SOAT2: variants seen among roughly 807,000 people sequenced by gnomAD.
The protein encoded by SOAT2 is sterol O-acyltransferase 2, also known as ACAT-2.
In SOAT2, 87 loss-of-function variants were observed where a neutral mutation model predicts 76.0. The ratio of observed to expected loss-of-function variants is 1.14; its 90% CI spans 0.96 to 1.37. The LOEUF (loss-of-function observed/expected upper bound fraction) is 1.37. Ranked by LOEUF, SOAT2 falls within the 40% of genes most tolerant of loss-of-function variation. SOAT2 has a pLI of 0.00. For synonymous variants in SOAT2, 285 were observed against 275.4 expected, an observed-to-expected ratio of 1.03 and a Z score of -0.34; for missense variants, 686 against 682.1, an observed-to-expected ratio of 1.01 and a Z score of -0.06.
At position 53,105,155 on chromosome 12, in the gene SOAT2, C is replaced by G; in HGVS notation, c.187C>G (p.Leu63Val). Reference sequence around the variant, plus strand: ...GCAAGCGCAGGGACAACTGAGGGAGCTGCTGGATCGGGCCATGCGGGAGGC... The same window carrying G: ...GCAAGCGCAGGGACAACTGAGGGAGGTGCTGGATCGGGCCATGCGGGAGGC... ...LEQAQGQLRE[L>V]LDRAMREAIQ... Residue 63 changes from leucine to valine, a missense_variant, in exon 3 of 15, where the codon CTG (leucine) becomes GTG (valine). By Grantham distance (32) the Leu-to-Val change is conservative. Transcript: ENST00000301466. The G allele has an allele frequency of 6.3e-7, 1 of 1,577,302 alleles. No homozygotes were observed. Among genetic ancestry groups the G allele is most frequent in the Non-Finnish European group, 8.6e-7 (1 of 1,161,430 alleles).
chr12:53,112,635 T>G (rs1256219387), intron 5 of SOAT2, among the ~76,000 whole-genome samples: 1 of 151,398 alleles, frequency 6.6e-6, no homozygotes, highest in Non-Finnish European at 1.5e-5. Context: ...CGTGCACACA[T>G]GCACACATAC....
chr12:53,122,170 C>T (rs375373355), intron 12 of SOAT2, among the ~76,000 whole-genome samples: 4 of 149,534 alleles, frequency 2.7e-5, no homozygotes, highest in Admixed American at 1.3e-4. Flanking sequence ...CTTTCCACTG[C>T]GCCACACTCC....
rs1304027808 is a variant in SOAT2, at chr12:53,115,551, C to A, written c.605C>A (p.Ala202Glu). 2 of 1,594,558 alleles carry A rather than the reference C, an allele frequency of 1.3e-6. No individual in the cohort carries two copies. Among genetic ancestry groups the A allele is most frequent in the East Asian group, 2.2e-5 (1 of 44,712 alleles). Residue 202 changes from alanine to glutamate, a missense_variant, in exon 6 of 15, where the codon GCG becomes GAG. Ala to Glu is a moderately radical substitution (Grantham distance 107). Coordinates refer to ENST00000301466, the MANE Select transcript of SOAT2 (RefSeq NM_003578.4). ...ACGCAGGCGACGGGCCTGGGCTGTG[C>A]GCTGCTAGCCGCCCACGCCGTGGTG... ...TWTQATGLGC[A>E]LLAAHAVVLC...
At chr12:53,105,265 G>T (rs377636076) in intron 3 of SOAT2, 22 bp downstream of exon 3, 1 of 1,595,218 alleles carries the variant, frequency 6.3e-7, no homozygotes, top group Non-Finnish European at 8.5e-7. Context: ...GAATGGCTGC[G>T]CGGGCTCCTC....
chr12:53,104,601 C>T (rs1243328570), intron 2 of SOAT2, among the ~76,000 whole-genome samples: 2 of 152,006 alleles, frequency 1.3e-5, no homozygotes, highest in African/African-American at 2.4e-5. Context: ...GTGCAAAGAT[C>T]GGATTCGAAT....
chr12:53,118,197 G>A (rs1358918313), intron 7 of SOAT2, among the ~76,000 whole-genome samples, 153 bp from the exon 8 acceptor site: 3 of 151,732 alleles, frequency 2.0e-5, no homozygotes, highest in African/African-American at 7.3e-5. Context: ...CCCCTAGCCC[G>A]CATCCAGGTC....
In SOAT2 at chr12:53,124,221, C is replaced by T; in HGVS notation, c.*98C>T. 7.3e-7 allele frequency: 1 copy of T among 1,363,388 alleles called. No individual in the cohort carries two copies. The highest frequency in any genetic ancestry group is 1.2e-5 in the South Asian group (1 of 84,758). 84.5% of individuals were successfully genotyped at this position (1,363,388 alleles called of 1,614,324 possible). On this transcript the variant is annotated 3_prime_UTR_variant, in exon 15 of 15. Transcript: ENST00000301466. ...CCTGTCTGCATTCCCAAATTTGGCTCTGAGTCGAGGCAACCTGCACACAAG... is the reference window on the plus strand; with the variant it reads ...CCTGTCTGCATTCCCAAATTTGGCTTTGAGTCGAGGCAACCTGCACACAAG...
At chr12:53,118,729 A>G (rs1252355531) in intron 8 of SOAT2, among the ~76,000 whole-genome samples, 161 bp from the exon 9 acceptor site, 1 of 152,034 alleles carries the variant, frequency 6.6e-6, no homozygotes, top group Admixed American at 6.6e-5. Flanking sequence ...TATCTCTGTT[A>G]TGGAAAGTTC....
At chr12:53,109,708 G>A (rs1292198528) in intron 5 of SOAT2, among the ~76,000 whole-genome samples, 1 of 152,044 alleles carries the variant, frequency 6.6e-6, no homozygotes, top group Non-Finnish European at 1.5e-5. Context: ...GGCTGGTCTT[G>A]AACTCCTGAC....
rs1009960417 is a variant in SOAT2, at chr12:53,115,609, G to A, written c.663G>A (p.Glu221=). The part of the protein sequence containing the change: ...LCALPVHVAV[E]HQLPPASRCV... Reference sequence around the variant, plus strand: ...CGCTGCCGGTCCACGTGGCCGTGGAGCATCAGCTCCCGCCGGCCTCCCGTT... The same window carrying A: ...CGCTGCCGGTCCACGTGGCCGTGGAACATCAGCTCCCGCCGGCCTCCCGTT... Residue 221 remains glutamate, a synonymous_variant, in exon 6 of 15, where the codon GAG becomes GAA. Transcript: ENST00000301466. The A allele has an allele frequency of 5.7e-6, 9 of 1,566,650 alleles. No homozygotes were observed. Among genetic ancestry groups the A allele is most frequent in the African/African-American group, 2.7e-5 (2 of 74,228 alleles).
intron 12 of SOAT2, 26 bp from the exon 13 acceptor site, chr12:53,123,055 C>T: frequency 6.3e-7 from 1 of 1,598,742 alleles, no homozygotes; most frequent in Non-Finnish European, 8.5e-7. Context: ...GAGACTTACT[C>T]TTCACTCCTT....
intron 7 of SOAT2, among the ~76,000 whole-genome samples, chr12:53,117,809 C>A (rs1938129827): frequency 6.6e-6 from 1 of 152,106 alleles, no homozygotes; most frequent in African/African-American, 2.4e-5. Context: ...AGGCCCTGGG[C>A]TGTGTGCTCT....
chr12:53,123,031 T>G, intron 12 of SOAT2, 50 bp from the exon 13 acceptor site: 1 of 1,528,958 alleles, frequency 6.5e-7, no homozygotes. Flanking sequence ...GGGCTCTTTG[T>G]GGAGGAGCTC....
At chr12:53,104,347 A>T (rs1937894582) in intron 2 of SOAT2, 141 bp downstream of exon 2, 1 of 593,944 alleles carries the variant, frequency 1.7e-6, no homozygotes, top group African/African-American at 2.0e-5. Flanking sequence ...GCTGGAGTGC[A>T]TTGGCACAAT....
At chr12:53,110,473 C>T (rs11170420) in intron 5 of SOAT2, among the ~76,000 whole-genome samples, 28,360 of 152,134 alleles carry the variant, frequency 0.19, 3,375 homozygotes, top group African/African-American at 0.35. Flanking sequence ...TTTCCTTTAA[C>T]AAATTCTTTC....
intron 2 of SOAT2, 131 bp downstream of exon 2, chr12:53,104,337 G>T: frequency 1.6e-6 from 1 of 641,340 alleles, no homozygotes. Context: ...TGTTGCTCAG[G>T]CTGGAGTGCA....
At position 53,124,062 on chromosome 12, in the gene SOAT2, C is replaced by T. The variant is rs372341203; in HGVS notation, c.1519-11C>T. On this transcript the variant is annotated splice_polypyrimidine_tract_variant and intron_variant, in intron 14 of 14. Transcript: ENST00000301466. ...ATGATCTCATTCACGACTTATTCTT[C>T]TCTGGCTCAGGCAACTTTCTGGGGG... The T allele has an allele frequency of 3.1e-5, 50 of 1,614,198 alleles. No homozygotes were observed. The highest frequency in any genetic ancestry group is 4.2e-5 in the Non-Finnish European group (50 of 1,180,014).
intron 13 of SOAT2, 107 bp downstream of exon 13, chr12:53,123,323 A>C (rs1938223805): frequency 2.9e-6 from 4 of 1,391,870 alleles, no homozygotes; most frequent in Non-Finnish European, 4.0e-6. Flanking sequence ...CCAGGCCTGG[A>C]GGCAAGGCTG....
intron 5 of SOAT2, among the ~76,000 whole-genome samples, chr12:53,109,051 A>G (rs969666372): frequency 2.6e-5 from 4 of 152,288 alleles, no homozygotes; most frequent in Middle Eastern, 3.4e-3. Context: ...AACCTGGCCA[A>G]TATGGTGAAA....
Sources: allele counts gnomAD v4.1 joint callset (sites outside exome capture counted in the v4.1 genomes callset), GRCh38; gene constraint gnomAD v4.1.1; transcripts MANE v1.5; gene names NCBI Gene and HGNC (gene_info 2026-07-23, HGNC 2026-07-21).